Variants in SATB2 observed in about 807,000 individuals in gnomAD.
SATB2 encodes the protein DNA-binding protein SATB2.
A neutral mutation model predicts 73.4 loss-of-function variants in SATB2; 1 was observed. The observed-to-expected ratio is 0.01, with a 90% CI of 0.00 to 0.06. The LOEUF (loss-of-function observed/expected upper bound fraction) is 0.06, where lower values mean the gene tolerates loss of function less well. SATB2 is among the 10% of genes least tolerant of loss of function. SATB2 has a pLI of 1.00. For synonymous variants in SATB2, 397 were observed against 367.0 expected (o/e 1.08, Z -0.93); for missense variants, 459 against 945.8 (o/e 0.49, Z 6.75).
chr2:199,302,354 T>C (rs996312848), intron 10 of SATB2, among the ~76,000 whole-genome samples: 1 of 152,156 alleles, frequency 6.6e-6, no homozygotes, highest in Non-Finnish European at 1.5e-5. Context: ...TATTCCTGAA[T>C]GACAAATTTA....
intron 3 of SATB2, among the ~76,000 whole-genome samples, chr2:199,424,847 C>G (rs1185453841): frequency 6.6e-6 from 1 of 152,032 alleles, no homozygotes; most frequent in Non-Finnish European, 1.5e-5. Flanking sequence ...GGTATAGCAT[C>G]AAAACTAGGA....
intron 10 of SATB2, among the ~76,000 whole-genome samples, chr2:199,286,134 G>C (rs1389006043): frequency 1.8e-5 from 1 of 55,210 alleles, no homozygotes; most frequent in Non-Finnish European, 7.0e-5. Context: ...TATAGTTTGG[G>C]GAAAAAAAAA....
chr2:199,315,481 A>C (rs1687705543), intron 9 of SATB2, among the ~76,000 whole-genome samples: 1 of 151,976 alleles, frequency 6.6e-6, no homozygotes, highest in Non-Finnish European at 1.5e-5. Flanking sequence ...TTAAGTGATA[A>C]GGAGGGGAGG....
At position 199,453,885 on chromosome 2, in the gene SATB2, A is replaced by G. The variant is rs540082532; in HGVS notation, c.169+1984T>C. Among the ~76,000 whole-genome samples the G allele has an allele frequency of 3.9e-5, 6 of 152,198 alleles. No individual in the cohort carries two copies. The East Asian group carries it at 9.6e-4, about 24-fold the overall frequency. The stretch of plus-strand genomic sequence containing the variant: ...TTTACTATCGTGTATTATAAACGAT[A>G]TGTATTGAGACAAAATAATGTCATC... On this transcript the variant is annotated intron_variant, in intron 2 of 10. Transcript: ENST00000417098.
intron 2 of SATB2, among the ~76,000 whole-genome samples, chr2:199,433,778 G>C (rs1691573659): frequency 6.6e-6 from 1 of 152,068 alleles, no homozygotes; most frequent in South Asian, 2.1e-4. Context: ...ACATAGGTGA[G>C]ATGAAGGTGA....
At chr2:199,454,739 T>A (rs1692224141) in intron 2 of SATB2, among the ~76,000 whole-genome samples, 1 of 152,078 alleles carries the variant, frequency 6.6e-6, no homozygotes, top group African/African-American at 2.4e-5. Context: ...AAGAAAAAAA[T>A]ACGATTTTAT....
chr2:199,358,887 T>C (rs1689061962), intron 6 of SATB2, among the ~76,000 whole-genome samples: 1 of 152,170 alleles, frequency 6.6e-6, no homozygotes, highest in Admixed American at 6.5e-5. Flanking sequence ...CAGAACACTA[T>C]TGTCCCTTTT....
At chr2:199,299,330 C>G (rs1687214147) in intron 10 of SATB2, among the ~76,000 whole-genome samples, 1 of 152,122 alleles carries the variant, frequency 6.6e-6, no homozygotes, top group Non-Finnish European at 1.5e-5. Flanking sequence ...AGAATAGATT[C>G]AGAAGGTCTG....
chr2:199,426,550 G>T lies in SATB2; in HGVS notation c.346+6788C>A, dbSNP rs1238624963. 2.6e-5 allele frequency among the ~76,000 whole-genome samples: 4 copies of T among 152,064 alleles called. No homozygotes were observed. In the East Asian group the frequency reaches 7.8e-4, roughly 30 times the overall value. ...GAGCTCAGGTGCTCCACCCGCCTTG[G>T]CCTCCCAAAGTGCTGGGATTACAAG... is the stretch of plus-strand genomic sequence containing the variant. On this transcript the variant is annotated intron_variant, in intron 3 of 10. Coordinates refer to ENST00000417098, the MANE Select transcript of SATB2 (RefSeq NM_001172509.2).
intron 3 of SATB2, among the ~76,000 whole-genome samples, chr2:199,409,345 T>C (rs1690739650): frequency 6.6e-6 from 1 of 152,054 alleles, no homozygotes; most frequent in African/African-American, 2.4e-5. Flanking sequence ...TAATTTTGTA[T>C]TTTTAGTAGA....
intron 1 of SATB2, among the ~76,000 whole-genome samples, chr2:199,456,528 T>C (rs999142176): frequency 3.9e-5 from 6 of 152,196 alleles, no homozygotes; most frequent in Admixed American, 3.9e-4. Flanking sequence ...CGCAAGTCCA[T>C]AACCGAATTA....
At chr2:199,349,773 A>G (rs1688760075) in intron 6 of SATB2, among the ~76,000 whole-genome samples, 1 of 152,186 alleles carries the variant, frequency 6.6e-6, no homozygotes, top group African/African-American at 2.4e-5. Context: ...ATGCACTCAG[A>G]TAAGAAAAAA....
chr2:199,469,099 A>T (rs951106299), upstream of SATB2, among the ~76,000 whole-genome samples: 1 of 152,140 alleles, frequency 6.6e-6, no homozygotes, highest in African/African-American at 2.4e-5. Flanking sequence ...CCACATCTCG[A>T]GTCTCCAGTC....
intron 3 of SATB2, chr2:199,396,123 T>C (rs1690293500): frequency 6.6e-6 from 1 of 152,244 alleles, no homozygotes; most frequent in Non-Finnish European, 1.5e-5. Context: ...TATAAGTCTT[T>C]AGGCACCCAA....
chr2:199,338,219 T>A (rs1034476374), intron 7 of SATB2, among the ~76,000 whole-genome samples: 3 of 151,730 alleles, frequency 2.0e-5, no homozygotes, highest in Admixed American at 6.6e-5. Flanking sequence ...CAAAAAAAAA[T>A]TAGCCATGCA....
chr2:199,269,951 G>A lies in SATB2; in HGVS notation c.*2260C>T, dbSNP rs1692104376. On this transcript the variant is annotated 3_prime_UTR_variant, in exon 11 of 11. Transcript: ENST00000417098. The stretch of plus-strand genomic sequence containing the variant: ...AATACCTAATAAATTTTTGGTTGAA[G>A]TGTAAAAGATACCAAATGCGGATGC... 1 of 152,744 alleles carries A rather than the reference G, an allele frequency of 6.5e-6. No individual in the cohort carries two copies. Among genetic ancestry groups the A allele is most frequent in the South Asian group, 2.1e-4 (1 of 4,836 alleles). The allele number at this position is 152,744 out of a possible 1,614,324, so 9.5% of individuals were successfully genotyped here.
intron 10 of SATB2, among the ~76,000 whole-genome samples, chr2:199,278,744 C>T (rs367908360): frequency 2.6e-5 from 4 of 152,128 alleles, no homozygotes; most frequent in Admixed American, 2.0e-4. Flanking sequence ...TTACAAATAG[C>T]AACATTGTCA....
intron 9 of SATB2, among the ~76,000 whole-genome samples, chr2:199,316,450 A>G (rs1024601517): frequency 1.3e-5 from 2 of 152,144 alleles, no homozygotes; most frequent in East Asian, 1.9e-4. Flanking sequence ...TAATTATTTT[A>G]TACTTTAAAT....
At position 199,272,312 on chromosome 2, in the gene SATB2, TCTC is replaced by T. The variant is rs1381238855; in HGVS notation, c.2098_2100del (p.Glu700del). The T allele has an allele frequency of 6.2e-7, 1 of 1,614,164 alleles. No individual in the cohort carries two copies. Among genetic ancestry groups the T allele is most frequent in the African/African-American group, 1.3e-5 (1 of 75,026 alleles). On this transcript the variant is annotated inframe_deletion, in exon 11 of 11. Coordinates refer to ENST00000417098, the MANE Select transcript of SATB2 (RefSeq NM_001172509.2). The surrounding 1 kb of genome is among the most constrained non-coding windows in gnomAD (Gnocchi z 6.7). ...TCCTCGGAGCCTTCCTCGCTGTCGT[TCTC>T]CTCTGACTCGGTCAGCAGCTCCTCG... is the stretch of plus-strand genomic sequence containing the variant.
Sources: gnomAD v4.1 joint callset for allele counts (sites outside exome capture counted in the v4.1 genomes callset) on GRCh38, gnomAD v4.1.1 for gene constraint, Gnocchi (gnomAD v3.1) non-coding constraint, MANE v1.5 for transcripts, NCBI Gene and HGNC (gene_info 2026-07-23, HGNC 2026-07-21) for gene names.